Variants in CNTN5 observed in about 807,000 individuals in gnomAD.
CNTN5 encodes contactin 5, also known as contactin-5.
A neutral mutation model predicts 129.1 loss-of-function variants in CNTN5; 77 were observed. The ratio of observed to expected loss-of-function variants is 0.60; its 90% CI spans 0.50 to 0.72. CNTN5 has a LOEUF of 0.72. Ranked by LOEUF, CNTN5 falls within the 30% of genes least tolerant of loss-of-function variation. The pLI is 0.00. For missense variants in CNTN5, 1,478 were observed against 1,328.8 expected, an observed-to-expected ratio of 1.11 and a Z score of -1.75; for synonymous variants, 509 against 465.6, an observed-to-expected ratio of 1.09 and a Z score of -1.20.
chr11:99,927,068 A>T (rs1446311017), intron 7 of CNTN5, among the ~76,000 whole-genome samples: 1 of 152,192 alleles, frequency 6.6e-6, no homozygotes, highest in Non-Finnish European at 1.5e-5. Context: ...TTCTTTTCCT[A>T]AAAGGAGCTT....
At chr11:99,973,151 C>G (rs1172224019) in intron 8 of CNTN5, among the ~76,000 whole-genome samples, 2 of 152,090 alleles carry the variant, frequency 1.3e-5, no homozygotes, top group Non-Finnish European at 2.9e-5. Flanking sequence ...TGCAGTCAGT[C>G]TGAAGTGGAG....
At chr11:99,239,947 A>AC (rs1405515864) in intron 1 of CNTN5, among the ~76,000 whole-genome samples, 266 of 151,900 alleles carry the variant, frequency 1.8e-3, no homozygotes, top group Middle Eastern at 0.014. Flanking sequence ...AAAAAAAAAA[A>AC]AAAAAAAAAT....
chr11:100,126,703 A>T (rs1006861874), intron 13 of CNTN5, among the ~76,000 whole-genome samples: 1 of 151,036 alleles, frequency 6.6e-6, no homozygotes, highest in Non-Finnish European at 1.5e-5. Flanking sequence ...TCTTGAAGAC[A>T]GAGGAAAAAT....
intron 1 of CNTN5, among the ~76,000 whole-genome samples, chr11:99,060,948 T>C (rs1864850798): frequency 1.3e-5 from 2 of 152,112 alleles, no homozygotes. Flanking sequence ...ACAGTATTCC[T>C]ACTATTCTAA....
intron 1 of CNTN5, among the ~76,000 whole-genome samples, chr11:99,216,637 A>G (rs1052261609): frequency 2.6e-5 from 4 of 152,148 alleles, no homozygotes; most frequent in Admixed American, 2.6e-4. Context: ...ATTAATATGG[A>G]TTAAATACTT....
intron 2 of CNTN5, among the ~76,000 whole-genome samples, chr11:99,439,604 A>C (rs1943737898): frequency 6.8e-6 from 1 of 147,982 alleles, no homozygotes; most frequent in African/African-American, 2.5e-5. Flanking sequence ...GCTATTCAGG[A>C]GGCTGAGGCA....
chr11:100,203,657 A>G (rs1327318133), intron 15 of CNTN5, among the ~76,000 whole-genome samples: 1 of 151,866 alleles, frequency 6.6e-6, no homozygotes, highest in Admixed American at 6.6e-5. Context: ...TCCTGGAGTC[A>G]AAGTCCTATT....
intron 1 of CNTN5, among the ~76,000 whole-genome samples, chr11:99,199,227 A>C (rs765421035): frequency 1.3e-4 from 20 of 152,174 alleles, no homozygotes; most frequent in Non-Finnish European, 2.2e-4. Flanking sequence ...TTGGTAAATA[A>C]ATGAAGAAAC....
At chr11:100,042,442 T>C (rs1942436519) in intron 9 of CNTN5, among the ~76,000 whole-genome samples, 2 of 152,214 alleles carry the variant, frequency 1.3e-5, no homozygotes, top group African/African-American at 4.8e-5. Context: ...GTAAAATTCA[T>C]ATCTCACTTG....
intron 21 of CNTN5, among the ~76,000 whole-genome samples, chr11:100,321,314 A>C (rs975637899): frequency 8.7e-6 from 1 of 114,648 alleles, no homozygotes; most frequent in Non-Finnish European, 1.8e-5. Flanking sequence ...TTTGGTAGCT[A>C]TTTTAAATAG....
intron 7 of CNTN5, among the ~76,000 whole-genome samples, chr11:99,954,225 G>A (rs949497118): frequency 1.3e-5 from 2 of 152,134 alleles, no homozygotes; most frequent in Admixed American, 6.6e-5. Flanking sequence ...AAGCATTCTC[G>A]AGGAAGACTT....
chr11:100,107,488 C>CTTT lies in CNTN5; in HGVS notation c.1580+33210_1580+33212dup, dbSNP rs10630943. ...TTCCAGATGCTGCAACTATAGTATT[C>CTTT]TTTTTTTTTTTTTTTTTTGAAGTCT... On this transcript the variant is annotated intron_variant, in intron 13 of 24. Coordinates refer to ENST00000524871, the MANE Select transcript of CNTN5 (RefSeq NM_014361.4). Among the ~76,000 whole-genome samples the CTTT allele has an allele frequency of 9.1e-3, 1,186 of 130,470 alleles. 33 individuals carry two copies. The highest frequency in any genetic ancestry group is 0.032 in the African/African-American group (1,119 of 35,514). 85.6% of individuals were successfully genotyped at this position (130,470 alleles called of 152,430 possible).
At chr11:99,402,279 G>A (rs1941852997) in intron 2 of CNTN5, among the ~76,000 whole-genome samples, 1 of 152,102 alleles carries the variant, frequency 6.6e-6, no homozygotes, top group African/African-American at 2.4e-5. Context: ...TTAACATGAA[G>A]CGATATTGAA....
chr11:99,348,400 T>G (rs924969482), intron 2 of CNTN5, among the ~76,000 whole-genome samples: 4 of 152,216 alleles, frequency 2.6e-5, no homozygotes, highest in African/African-American at 9.6e-5. Flanking sequence ...GTTGAAACTT[T>G]AAGGCCTAGA....
chr11:99,721,592 G>A (rs1943174984), intron 3 of CNTN5, among the ~76,000 whole-genome samples: 1 of 152,008 alleles, frequency 6.6e-6, no homozygotes, highest in Non-Finnish European at 1.5e-5. Flanking sequence ...TCATGATGAA[G>A]ACACCAAAAG....
intron 8 of CNTN5, among the ~76,000 whole-genome samples, chr11:99,977,434 C>A (rs1240723350): frequency 6.6e-6 from 1 of 152,158 alleles, no homozygotes; most frequent in Non-Finnish European, 1.5e-5. Flanking sequence ...TATATTAGTT[C>A]ATTTTCACAC....
chr11:100,033,807 G>A (rs1453571), intron 9 of CNTN5, among the ~76,000 whole-genome samples: 6,331 of 152,090 alleles, frequency 0.042, 154 homozygotes, highest in African/African-American at 0.07. Flanking sequence ...GGCTAATTGC[G>A]ACACTCACCT....
At chr11:99,417,092 G>T (rs1276315241) in intron 2 of CNTN5, among the ~76,000 whole-genome samples, 2 of 152,088 alleles carry the variant, frequency 1.3e-5, no homozygotes, top group Admixed American at 6.5e-5. Context: ...AAGTGTCAAT[G>T]AATTATTTTT....
chr11:99,771,733 A>C (rs1944952941), intron 3 of CNTN5, among the ~76,000 whole-genome samples: 1 of 152,004 alleles, frequency 6.6e-6, no homozygotes, highest in South Asian at 2.1e-4. Context: ...ACAGCATGTC[A>C]AGTAAGGTTA....
Sources: allele counts gnomAD v4.1 joint callset (sites outside exome capture counted in the v4.1 genomes callset), GRCh38; gene constraint gnomAD v4.1.1; transcripts MANE v1.5; gene names NCBI Gene and HGNC (gene_info 2026-07-23, HGNC 2026-07-21).